Variants in P2RX4 observed in about 807,000 individuals in gnomAD.
P2RX4 encodes P2X purinoceptor 4.
In P2RX4, 37 loss-of-function variants were observed where a neutral mutation model predicts 48.0. The ratio of observed to expected loss-of-function variants is 0.77; its 90% CI spans 0.59 to 1.01. The LOEUF (loss-of-function observed/expected upper bound fraction) is 1.01, where lower values mean the gene tolerates loss of function less well. P2RX4 is among the 50% of genes least tolerant of loss of function. The pLI is 0.00. For missense variants in P2RX4, 501 were observed against 521.4 expected, an observed-to-expected ratio of 0.96 and a Z score of 0.38; for synonymous variants, 200 against 199.7, an observed-to-expected ratio of 1.00 and a Z score of -0.01.
chr12:121,217,271 T>C lies in P2RX4; in HGVS notation c.272T>C (p.Ile91Thr). The change falls in exon 2 of 12, where the codon ATA becomes ACA. Residue 91 changes from isoleucine to threonine, a missense_variant. By Grantham distance (89) the Ile-to-Thr change is moderately conservative (BLOSUM62 -1). Transcript: ENST00000337233. ...FRIWDVADYV[I>T]PAQEENSLFV... ...ATCTGGGATGTGGCGGATTATGTGATACCAGCTCAGGTGTGTCTCCCACTG... is the reference window on the plus strand; with the variant it reads ...ATCTGGGATGTGGCGGATTATGTGACACCAGCTCAGGTGTGTCTCCCACTG... The C allele has an allele frequency of 6.2e-7, 1 of 1,614,208 alleles. No homozygotes were observed. Among genetic ancestry groups the C allele is most frequent in the South Asian group, 1.1e-5 (1 of 91,084 alleles).
chr12:121,228,367 C>CAAAA (rs1178066693), intron 5 of P2RX4, among the ~76,000 whole-genome samples, 166 bp from the exon 6 acceptor site: 19 of 80,996 alleles, frequency 2.3e-4, no homozygotes, highest in Admixed American at 5.2e-4. Flanking sequence ...GACTCCATCT[C>CAAAA]AAAAAAAAAA....
In P2RX4 at chr12:121,221,978, C is replaced by T. The variant is rs1428612815; in HGVS notation, c.348C>T (p.Cys116=). 3 of 1,613,994 alleles carry T rather than the reference C, an allele frequency of 1.9e-6. No homozygotes were observed. Among genetic ancestry groups the T allele is most frequent in the African/African-American group, 1.3e-5 (1 of 75,070 alleles). ...ILTMNQTQGL[C]PEIPDATTVC... ...CCATGAACCAGACACAGGGCCTGTG[C>T]CCCGAGGTAGGAGGCCCCCGGGAAG... Residue 116 remains cysteine (C), a synonymous_variant, in exon 3 of 12, where the codon TGC becomes TGT. Coordinates refer to ENST00000337233, the MANE Select transcript of P2RX4 (RefSeq NM_002560.3).
chr12:121,214,471 C>T (rs186675598), intron 1 of P2RX4: 1 of 152,076 alleles, frequency 6.6e-6, no homozygotes, highest in East Asian at 1.9e-4. Flanking sequence ...AAAGACCGAA[C>T]ACGCAATTCT....
At chr12:121,210,339 C>G in intron 1 of P2RX4, 41 bp downstream of exon 1, 7 of 1,461,892 alleles carry the variant, frequency 4.8e-6, no homozygotes, top group Non-Finnish European at 6.3e-6. Context: ...GGGTGCTGCC[C>G]TCGCGTCCGC....
intron 5 of P2RX4, among the ~76,000 whole-genome samples, chr12:121,226,942 A>C: frequency 6.6e-6 from 1 of 151,478 alleles, no homozygotes; most frequent in East Asian, 2.0e-4. Context: ...GTGAAACCCC[A>C]TCTCTACTAA....
chr12:121,221,882 G>T, intron 2 of P2RX4, 31 bp from the exon 3 acceptor site: 1 of 1,605,122 alleles, frequency 6.2e-7, no homozygotes, highest in Non-Finnish European at 8.5e-7. Flanking sequence ...TCCTCTGAGC[G>T]TGGCTTGCCC....
At chr12:121,222,909 G>A (rs1282146229) in intron 4 of P2RX4, 38 bp from the exon 5 acceptor site, 3 of 1,514,686 alleles carry the variant, frequency 2.0e-6, no homozygotes, top group African/African-American at 1.4e-5. Flanking sequence ...GGAGACCCCT[G>A]TGGACATGGG....
chr12:121,213,063 C>G (rs536750116), intron 1 of P2RX4: 1 of 151,812 alleles, frequency 6.6e-6, no homozygotes, highest in Non-Finnish European at 1.5e-5. Context: ...CTGTTGAACA[C>G]TTAACCGTTC....
At chr12:121,231,853 A>G (rs1323061937) in intron 8 of P2RX4, among the ~76,000 whole-genome samples, 1 of 151,948 alleles carries the variant, frequency 6.6e-6, no homozygotes, top group Non-Finnish European at 1.5e-5. Context: ...AAAAATCCAA[A>G]AATTAGCTGG....
intron 8 of P2RX4, among the ~76,000 whole-genome samples, chr12:121,231,708 TTTGTTG>T (rs372211683): frequency 6.6e-6 from 1 of 152,036 alleles, no homozygotes; most frequent in Non-Finnish European, 1.5e-5. Flanking sequence ...AGTGGTTCTT[TTTGTTG>T]TTGTTGTTGT....
At chr12:121,212,229 G>A (rs1270624582) in intron 1 of P2RX4, among the ~76,000 whole-genome samples, 1 of 152,160 alleles carries the variant, frequency 6.6e-6, no homozygotes, top group Non-Finnish European at 1.5e-5. Flanking sequence ...AGTAGATACA[G>A]ACAGTATTCA....
In P2RX4 at chr12:121,232,514, C is replaced by T. The variant is rs762220858; in HGVS notation, c.978+7C>T. On this transcript the variant is annotated splice_region_variant and intron_variant, in intron 9 of 11. Coordinates refer to ENST00000337233, the MANE Select transcript of P2RX4 (RefSeq NM_002560.3). This position sits in a 1 kb window ranked among gnomAD's most constrained non-coding sequence, Gnocchi z 4.3. ...CATCATTGTGTTTGGGAAGGTAGCT[C>T]GCCGCCACTGGCTCCCCTCCGTCAC... 1.9e-5 allele frequency: 30 copies of T among 1,612,414 alleles called. No individual in the cohort carries two copies. Among genetic ancestry groups the T allele is most frequent in the African/African-American group, 4.0e-5 (3 of 74,914 alleles).
At chr12:121,219,773 T>C (rs1331140620) in intron 2 of P2RX4, among the ~76,000 whole-genome samples, 1 of 151,738 alleles carries the variant, frequency 6.6e-6, no homozygotes, top group Non-Finnish European at 1.5e-5. Context: ...TAGGATAGAT[T>C]AGATAGGTGA....
Position 121,217,201 on chromosome 12 carries a change from G to A in P2RX4, c.202G>A (p.Val68Ile), listed in dbSNP as rs760925549. The part of the protein sequence containing the change: ...DSVVSSVTTK[V>I]KGVAVTNTSK... ...CGTGGTCAGCTCCGTTACGACCAAG[G>A]TCAAGGGCGTGGCTGTGACCAACAC... Residue 68 changes from valine to isoleucine, a missense_variant, in exon 2 of 12, where the codon GTC (valine) becomes ATC (isoleucine). Val to Ile is a conservative substitution (Grantham distance 29). Coordinates refer to ENST00000337233, the MANE Select transcript of P2RX4 (RefSeq NM_002560.3). 1 of 1,614,184 alleles carries A rather than the reference G, an allele frequency of 6.2e-7. No homozygotes were observed. Among genetic ancestry groups the A allele is most frequent in the African/African-American group, 1.3e-5 (1 of 75,050 alleles).
At chr12:121,230,490 C>A (rs1193980612) in intron 8 of P2RX4, among the ~76,000 whole-genome samples, 1 of 152,230 alleles carries the variant, frequency 6.6e-6, no homozygotes, top group Non-Finnish European at 1.5e-5. Context: ...CCGATCCATA[C>A]GGGATCCTAA....
rs757564473 is a variant in P2RX4 at position 121,210,191 on chromosome 12, G to C, written c.27G>C (p.Ala9=). Residue 9 remains alanine (A), a synonymous_variant, in exon 1 of 12, where the codon GCG becomes GCC. Transcript: ENST00000337233. ...TGGCGGGCTGCTGCGCCGCGCTGGC[G>C]GCCTTCCTGTTCGAGTACGACACGC... The part of the protein sequence containing the change: MAGCCAAL[A]AFLFEYDTPR... The C allele has an allele frequency of 2.1e-5, 33 of 1,538,916 alleles. No homozygotes were observed. Among genetic ancestry groups the C allele is most frequent in the Non-Finnish European group, 2.7e-5 (31 of 1,149,520 alleles).
intron 2 of P2RX4, among the ~76,000 whole-genome samples, chr12:121,219,865 C>T (rs945681320): frequency 2.5e-4 from 32 of 128,786 alleles, no homozygotes; most frequent in African/African-American, 9.6e-4. Context: ...GATAGATAGA[C>T]AGATAATAGA....
rs1299832830 is a variant in P2RX4, at chr12:121,233,025, T to C, written c.1073T>C (p.Leu358Pro). 6.2e-7 allele frequency: 1 copy of C among 1,613,808 alleles called. No homozygotes were observed. Among genetic ancestry groups the C allele is most frequent in the Non-Finnish European group, 8.5e-7 (1 of 1,179,782 alleles). ...MATVLCDIIVLYCMKKRLYYR... is the reference protein window; with the variant it reads ...MATVLCDIIVPYCMKKRLYYR... Reference sequence around the variant, plus strand: ...ACCGTGCTGTGTGACATCATAGTCCTCTACTGCATGAAGAAAAGACTCTAC... The same window carrying C: ...ACCGTGCTGTGTGACATCATAGTCCCCTACTGCATGAAGAAAAGACTCTAC... The change falls in exon 11 of 12, where the codon CTC becomes CCC. Residue 358 changes from leucine to proline, a missense_variant. By Grantham distance (98) the Leu-to-Pro change is moderately conservative. Coordinates refer to ENST00000337233, the MANE Select transcript of P2RX4 (RefSeq NM_002560.3).
At chr12:121,220,776 T>A (rs1048535992) in intron 2 of P2RX4, among the ~76,000 whole-genome samples, 3 of 152,194 alleles carry the variant, frequency 2.0e-5, no homozygotes, top group African/African-American at 7.2e-5. Context: ...GCCTCGTATG[T>A]TACACAACCA....
Sources: gnomAD v4.1 joint callset for allele counts (sites outside exome capture counted in the v4.1 genomes callset) on GRCh38, gnomAD v4.1.1 for gene constraint, Gnocchi (gnomAD v3.1) non-coding constraint, MANE v1.5 for transcripts, NCBI Gene and HGNC (gene_info 2026-07-23, HGNC 2026-07-21) for gene names.